NT5C3B: variants seen among roughly 807,000 people sequenced by gnomAD.
NT5C3B encodes the protein 5'-nucleotidase, cytosolic IIIB.
NT5C3B carries 28 observed loss-of-function variants against 32.5 expected under a neutral mutation model. That is an observed-to-expected ratio of 0.86 (90% confidence interval 0.64 to 1.18). The LOEUF (loss-of-function observed/expected upper bound fraction) is 1.18, where lower values mean the gene tolerates loss of function less well. Ranked by LOEUF, NT5C3B falls within the 50% of genes most tolerant of loss-of-function variation. The probability of loss-of-function intolerance (pLI) is 0.00; values close to 1 mark genes in which losing one functional copy is unlikely to be tolerated. For synonymous variants in NT5C3B, 138 were observed against 118.0 expected (o/e 1.17, Z -1.10); for missense variants, 317 against 322.0 (o/e 0.98, Z 0.12).
chr17:41,835,938 G>A lies in NT5C3B; in HGVS notation c.32C>T (p.Ala11Val). 1.3e-6 allele frequency: 2 copies of A among 1,596,952 alleles called. No individual in the cohort carries two copies. Among genetic ancestry groups the A allele is most frequent in the Non-Finnish European group, 1.7e-6 (2 of 1,172,576 alleles). Residue 11 changes from alanine to valine, a missense_variant, in exon 2 of 9, where the codon GCC becomes GTC. Coordinates refer to ENST00000435506, the MANE Select transcript of NT5C3B (RefSeq NM_052935.5). MAEEVSTLMK[A>V]TVLMRQPGRV... ...CCCAGGCTGCCGCATCAGGACCGTGGCCTTCATCAGGGTGCTCACCTGTCC... is the reference window on the plus strand; with the variant it reads ...CCCAGGCTGCCGCATCAGGACCGTGACCTTCATCAGGGTGCTCACCTGTCC...
At chr17:41,835,330 G>T in intron 2 of NT5C3B, 58 bp from the exon 3 acceptor site, 1 of 1,427,272 alleles carries the variant, frequency 7.0e-7, no homozygotes, top group Non-Finnish European at 9.9e-7. Context: ...GTGTGGCCCT[G>T]CCTCAGCCTG....
chr17:41,832,102 C>T (rs1555619131), intron 5 of NT5C3B, among the ~76,000 whole-genome samples: 1 of 152,144 alleles, frequency 6.6e-6, no homozygotes, highest in East Asian at 1.9e-4. Flanking sequence ...TATTCTGTGA[C>T]AGCAGCACAA....
intron 4 of NT5C3B, 123 bp downstream of exon 4, chr17:41,834,945 CAA>C: frequency 1.0e-6 from 1 of 954,738 alleles, no homozygotes; most frequent in Non-Finnish European, 1.6e-6. Context: ...CCCTCCTTAG[CAA>C]AACAACAAGT....
At position 41,825,880 on chromosome 17, in the gene NT5C3B, A is replaced by G. The variant is rs375288426; in HGVS notation, c.769-223T>C. On this transcript the variant is annotated intron_variant, in intron 8 of 8. Coordinates refer to ENST00000435506, the MANE Select transcript of NT5C3B (RefSeq NM_052935.5). Reference sequence around the variant, plus strand: ...AACCCTTGGGTCAATACAAAAGAACAGTAACAAGGAATAAAAACAAAAAAC... The same window carrying G: ...AACCCTTGGGTCAATACAAAAGAACGGTAACAAGGAATAAAAACAAAAAAC... Among the ~76,000 whole-genome samples, 16 of 152,356 alleles carry G rather than the reference A, an allele frequency of 1.1e-4. No individual in the cohort carries two copies. The South Asian group carries it at 2.9e-3, about 28-fold the overall frequency.
rs1555618388 is a variant in NT5C3B, at chr17:41,827,516, G to A, written c.678C>T (p.Ile226=). 1.1e-6 allele frequency: 1 copy of A among 872,948 alleles called. No individual in the cohort carries two copies. The highest frequency in any genetic ancestry group is 1.7e-5 in the Admixed American group (1 of 59,174). The allele number at this position is 872,948 out of a possible 1,614,324, so 54.1% of individuals were successfully genotyped here. A position where few individuals can be genotyped will look rare whatever the true frequency, so the allele number is the denominator to read the frequency against. The change falls in exon 8 of 9, where the codon ATC becomes ATT. Residue 226 remains isoleucine (I), a synonymous_variant. Coordinates refer to ENST00000435506, the MANE Select transcript of NT5C3B (RefSeq NM_052935.5). Reference sequence around the variant, plus strand: ...GGTCCCCGATAGAGTCTCCCAGCAGGATGACATTGGTTTTGCCCTCAAGTT... The same window carrying A: ...GGTCCCCGATAGAGTCTCCCAGCAGAATGACATTGGTTTTGCCCTCAAGTT... ...FQQLEGKTNV[I]LLGDSIGDLT...
At chr17:41,835,689 T>C in intron 2 of NT5C3B, 170 bp downstream of exon 2, 2 of 737,244 alleles carry the variant, frequency 2.7e-6, no homozygotes, top group East Asian at 5.4e-5. Flanking sequence ...AAATCTGAAA[T>C]TTGGGTTTTA....
At chr17:41,830,499 TTC>T (rs1179553354) in intron 6 of NT5C3B, among the ~76,000 whole-genome samples, 15 of 151,890 alleles carry the variant, frequency 9.9e-5, no homozygotes, top group Non-Finnish European at 4.4e-5. Context: ...CAGAGCGAGA[TTC>T]TGTCTTGAGA....
Position 41,830,834 on chromosome 17 carries a change from G to A in NT5C3B, c.371C>T (p.Ala124Val), listed in dbSNP as rs782113347. Residue 124 changes from alanine to valine, a missense_variant, in exon 6 of 9, where the codon GCC becomes GTC. By Grantham distance (64) the Ala-to-Val change is moderately conservative. Transcript: ENST00000435506. ...CQQKIQKFQI[A>V]QVVRESNAML... ...TGCATTGGACTCTCTAACCACCTGG[G>A]CTATCTGAAACTTCTGAATCTTCTG... 1.9e-6 allele frequency: 3 copies of A among 1,611,790 alleles called. No homozygotes were observed. In the East Asian group the frequency reaches 6.7e-5, roughly 36 times the overall value.
At position 41,825,199 on chromosome 17, in the gene NT5C3B, A is replaced by G. The variant is rs782506799; in HGVS notation, c.*324T>C. On this transcript the variant is annotated 3_prime_UTR_variant, in exon 9 of 9. Transcript: ENST00000435506. Reference sequence around the variant, plus strand: ...GAGCAGCTTTTTTTTCATTTTAAAAATTTTGATCTGTTTCACACATTATAT... The same window carrying G: ...GAGCAGCTTTTTTTTCATTTTAAAAGTTTTGATCTGTTTCACACATTATAT... 5.1e-4 allele frequency: 113 copies of G among 220,600 alleles called. No homozygotes were observed. Among genetic ancestry groups the G allele is most frequent in the Non-Finnish European group, 1.7e-4 (19 of 112,844 alleles). The allele number at this position is 220,600 out of a possible 1,614,324, so 13.7% of individuals were successfully genotyped here. A position where few individuals can be genotyped will look rare whatever the true frequency, so the allele number is the denominator to read the frequency against.
chr17:41,827,351 G>C, intron 8 of NT5C3B, 75 bp downstream of exon 8: 3 of 731,172 alleles, frequency 4.1e-6, no homozygotes, highest in Non-Finnish European at 7.3e-6. Flanking sequence ...AAGAGAATGT[G>C]TTCAAAGGCA....
rs1555619639 is a variant in NT5C3B, at chr17:41,835,126, G to A, written c.182-10C>T. 1.2e-5 allele frequency: 20 copies of A among 1,614,110 alleles called. No homozygotes were observed. Among genetic ancestry groups the A allele is most frequent in the Middle Eastern group, 1.6e-4 (1 of 6,062 alleles). On this transcript the variant is annotated splice_polypyrimidine_tract_variant and intron_variant, in intron 3 of 8. Transcript: ENST00000435506. ...CTATTATCCAGAATATCTGGAAAAA[G>A]AGAAAACTCCTTTTACTTGTCCCTT...
intron 7 of NT5C3B, among the ~76,000 whole-genome samples, chr17:41,828,146 G>A (rs142308585): frequency 8.4e-4 from 128 of 152,250 alleles, no homozygotes; most frequent in African/African-American, 3.0e-3. Context: ...AAGTCAGAAC[G>A]TGGATGAGTT....
intron 5 of NT5C3B, 98 bp downstream of exon 5, chr17:41,832,294 G>C (rs2048064217): frequency 1.0e-6 from 1 of 981,178 alleles, no homozygotes; most frequent in East Asian, 2.5e-5. Context: ...AGTGAAGTAA[G>C]GGAGCCTGTC....
intron 6 of NT5C3B, among the ~76,000 whole-genome samples, chr17:41,830,351 T>C (rs2048030446): frequency 6.6e-6 from 1 of 152,124 alleles, no homozygotes; most frequent in African/African-American, 2.4e-5. Flanking sequence ...CTACTAAAAA[T>C]ACAAAAATTA....
Position 41,836,204 on chromosome 17 carries a change from G to T in NT5C3B, c.-11C>A. 8.0e-7 allele frequency: 1 copy of T among 1,244,346 alleles called. No homozygotes were observed. The highest frequency in any genetic ancestry group is 1.0e-6 in the Non-Finnish European group (1 of 996,528). The allele number at this position is 1,244,346 out of a possible 1,614,324, so 77.1% of individuals were successfully genotyped here. A position where few individuals can be genotyped will look rare whatever the true frequency, so the allele number is the denominator to read the frequency against. On this transcript the variant is annotated 5_prime_UTR_variant, in exon 1 of 9. Transcript: ENST00000435506. ...CACCTCCTCTGCCATCCCGTTCGAG[G>T]CCTGGTCGGCGGCTCGCGGGACAAC...
At chr17:41,828,658 T>C (rs1327635459) in intron 7 of NT5C3B, 132 bp downstream of exon 7, 85 of 840,846 alleles carry the variant, frequency 1.0e-4, no homozygotes, top group Middle Eastern at 5.3e-4. Flanking sequence ...CATAAACAAC[T>C]GCCTGAGGGT....
chr17:41,836,029 G>C, intron 1 of NT5C3B, 72 bp from the exon 2 acceptor site: 1 of 1,447,196 alleles, frequency 6.9e-7, no homozygotes, highest in African/African-American at 1.5e-5. Context: ...GGGCTCGCTC[G>C]GGCGCGCGTG....
rs782141357 is a variant in NT5C3B, at chr17:41,828,858, T to C, written c.499A>G (p.Ile167Val). Residue 167 changes from isoleucine (I) to valine (V), a missense_variant, in exon 7 of 9, where the codon ATC (isoleucine) becomes GTC (valine). Coordinates refer to ENST00000435506, the MANE Select transcript of NT5C3B (RefSeq NM_052935.5). The stretch of plus-strand genomic sequence containing the variant: ...GGGTGGAACACTTTCATCTGTCGGA[T>C]AATTTCTTCCAGGATATCACCAATG... ...AGIGDILEEI[I>V]RQMKVFHPNI... 1.2e-6 allele frequency: 2 copies of C among 1,613,956 alleles called. No homozygotes were observed. Among genetic ancestry groups the C allele is most frequent in the Admixed American group, 1.7e-5 (1 of 60,004 alleles).
intron 7 of NT5C3B, chr17:41,828,356 A>T (rs1462124813): frequency 2.6e-5 from 4 of 156,132 alleles, no homozygotes; most frequent in African/African-American, 9.7e-5. Context: ...TTTTTTTCTG[A>T]AGACAGAGTC....
Sources: gnomAD v4.1 joint callset for allele counts (sites outside exome capture counted in the v4.1 genomes callset) on GRCh38, gnomAD v4.1.1 for gene constraint, MANE v1.5 for transcripts, NCBI Gene and HGNC (gene_info 2026-07-23, HGNC 2026-07-21) for gene names.